SLC24A2: variants seen among roughly 807,000 people sequenced by gnomAD.
SLC24A2 encodes the protein solute carrier family 24 member 2, also known as sodium/potassium/calcium exchanger 2.
SLC24A2 carries 36 observed loss-of-function variants against 62.0 expected under a neutral mutation model. That is an observed-to-expected ratio of 0.58 (90% confidence interval 0.44 to 0.77). SLC24A2 has a LOEUF of 0.77. Ranked by LOEUF, SLC24A2 falls within the 30% of genes least tolerant of loss-of-function variation. The pLI is 0.00. For synonymous variants in SLC24A2, 358 were observed against 294.0 expected, an observed-to-expected ratio of 1.22 and a Z score of -2.23; for missense variants, 846 against 817.9, an observed-to-expected ratio of 1.03 and a Z score of -0.42.
chr9:20,092,160 G>A, the SLC24A2 span, among the ~76,000 whole-genome samples: 1 of 152,168 alleles, frequency 6.6e-6, no homozygotes, highest in Admixed American at 6.5e-5. Flanking sequence ...TTAGTACCTG[G>A]TGATGAAATA....
chr9:19,543,969 A>T (rs1176664623), intron 8 of SLC24A2, among the ~76,000 whole-genome samples: 1 of 152,134 alleles, frequency 6.6e-6, no homozygotes, highest in Non-Finnish European at 1.5e-5. Context: ...CGCTGAGTTC[A>T]AGTCCTGGAT....
upstream of SLC24A2, among the ~76,000 whole-genome samples, chr9:19,793,341 C>T (rs1808689810): frequency 6.6e-6 from 1 of 152,238 alleles, no homozygotes; most frequent in South Asian, 2.1e-4. Flanking sequence ...AGAAAAGATG[C>T]ATGGCAAACC....
the SLC24A2 span, chr9:19,895,672 G>T: frequency 1.4e-6 from 1 of 736,784 alleles, no homozygotes; most frequent in Non-Finnish European, 2.1e-6. Flanking sequence ...GCAGGCTCCT[G>T]CCTTCCTTCA....
At chr9:20,233,285 A>G in the SLC24A2 span, among the ~76,000 whole-genome samples, 9 of 151,952 alleles carry the variant, frequency 5.9e-5, no homozygotes, top group African/African-American at 9.7e-5. Context: ...TATCCTTGTT[A>G]ACTTTCTGTC....
the SLC24A2 span, among the ~76,000 whole-genome samples, chr9:19,841,880 G>A: frequency 1.3e-5 from 2 of 152,176 alleles, no homozygotes; most frequent in Non-Finnish European, 2.9e-5. Context: ...TGCTTATTGG[G>A]CCCATGAATA....
chr9:19,979,812 T>C, the SLC24A2 span, among the ~76,000 whole-genome samples: 3 of 152,136 alleles, frequency 2.0e-5, no homozygotes, highest in Non-Finnish European at 4.4e-5. Context: ...GAGGCCTGGG[T>C]TTAAATCTTG....
At chr9:19,628,971 G>T (rs1818105195) in intron 2 of SLC24A2, among the ~76,000 whole-genome samples, 1 of 152,180 alleles carries the variant, frequency 6.6e-6, no homozygotes, top group African/African-American at 2.4e-5. Context: ...TCTAACAAAT[G>T]CTGGTGTGCA....
At chr9:20,084,491 C>A in the SLC24A2 span, among the ~76,000 whole-genome samples, 4 of 151,616 alleles carry the variant, frequency 2.6e-5, no homozygotes, top group Non-Finnish European at 5.9e-5. Context: ...TCCTTCCCTC[C>A]CTCCCTCTCC....
intron 4 of SLC24A2, among the ~76,000 whole-genome samples, chr9:19,600,574 G>C (rs1015660921): frequency 6.6e-6 from 1 of 152,142 alleles, no homozygotes; most frequent in African/African-American, 2.4e-5. Flanking sequence ...ATAATGTGTG[G>C]TCATTACTGT....
At chr9:20,257,942 G>A in the SLC24A2 span, among the ~76,000 whole-genome samples, 4 of 152,128 alleles carry the variant, frequency 2.6e-5, no homozygotes, top group Non-Finnish European at 5.9e-5. Flanking sequence ...GCTAAGAAAA[G>A]GGGGCTGTCT....
chr9:20,187,146 A>G, the SLC24A2 span, among the ~76,000 whole-genome samples: 1 of 152,132 alleles, frequency 6.6e-6, no homozygotes, highest in African/African-American at 2.4e-5. Context: ...ACCCAGGCTT[A>G]TTTCCAGTGG....
chr9:20,303,441 C>A, the SLC24A2 span, among the ~76,000 whole-genome samples: 3 of 152,118 alleles, frequency 2.0e-5, no homozygotes, highest in Non-Finnish European at 4.4e-5. Flanking sequence ...ACAAATTTAA[C>A]GTATTCATTT....
chr9:19,716,810 T>A (rs1387362332), intron 2 of SLC24A2, among the ~76,000 whole-genome samples: 2 of 152,234 alleles, frequency 1.3e-5, no homozygotes. Flanking sequence ...TCTGCTTTTT[T>A]ATCTTTCTTT....
chr9:20,171,949 G>A, the SLC24A2 span, among the ~76,000 whole-genome samples: 1 of 151,884 alleles, frequency 6.6e-6, no homozygotes, highest in Non-Finnish European at 1.5e-5. Flanking sequence ...CTCCAAGATA[G>A]ACCATATGAT....
chr9:20,011,082 G>C, the SLC24A2 span, among the ~76,000 whole-genome samples: 3,723 of 152,208 alleles, frequency 0.024, 66 homozygotes, highest in Non-Finnish European at 0.039. Context: ...ATGTGCATGT[G>C]TCTTTATAGC....
Position 19,788,991 on chromosome 9 carries a change from G to T in SLC24A2, c.-260C>A. 2 of 964,740 alleles carry T rather than the reference G, an allele frequency of 2.1e-6. No individual in the cohort carries two copies. Among genetic ancestry groups the T allele is most frequent in the Non-Finnish European group, 2.5e-6 (2 of 811,034 alleles). The allele number at this position is 964,740 out of a possible 1,614,324, so 59.8% of individuals were successfully genotyped here. Reference sequence around the variant, plus strand: ...CGCTCTGAGGCCCGGGCTCTGGCTCGCACTGGCTGCCGCTCTCGCCAGCCG... The same window carrying T: ...CGCTCTGAGGCCCGGGCTCTGGCTCTCACTGGCTGCCGCTCTCGCCAGCCG... On this transcript the variant is annotated 5_prime_UTR_variant, in exon 1 of 11. Coordinates refer to ENST00000341998, the MANE Select transcript of SLC24A2 (RefSeq NM_020344.4).
intron 2 of SLC24A2, among the ~76,000 whole-genome samples, chr9:19,735,474 A>G (rs1396984358): frequency 6.6e-6 from 1 of 152,130 alleles, no homozygotes; most frequent in Admixed American, 6.6e-5. Context: ...CTAGAACTAG[A>G]AATACCATTT....
chr9:20,176,075 C>A, the SLC24A2 span, among the ~76,000 whole-genome samples: 1 of 151,938 alleles, frequency 6.6e-6, no homozygotes, highest in South Asian at 2.1e-4. Flanking sequence ...TCCATGAAAC[C>A]GTAACAACAC....
the SLC24A2 span, among the ~76,000 whole-genome samples, chr9:19,847,445 C>T: frequency 3.9e-5 from 6 of 152,220 alleles, no homozygotes; most frequent in South Asian, 1.0e-3. Flanking sequence ...ATTGCATTAC[C>T]CTATCTTCTC....
Sources: gnomAD v4.1 joint callset for allele counts (sites outside exome capture counted in the v4.1 genomes callset) on GRCh38, gnomAD v4.1.1 for gene constraint, MANE v1.5 for transcripts, NCBI Gene and HGNC (gene_info 2026-07-23, HGNC 2026-07-21) for gene names.